Variants in GPC6 observed in about 807,000 individuals in gnomAD.
GPC6 encodes the protein glypican-6.
A neutral mutation model predicts 55.2 loss-of-function variants in GPC6; 14 were observed. The ratio of observed to expected loss-of-function variants is 0.25; its 90% CI spans 0.17 to 0.40. The LOEUF (loss-of-function observed/expected upper bound fraction) is 0.40, where lower values mean the gene tolerates loss of function less well. Ranked by LOEUF, GPC6 falls within the 10% of genes least tolerant of loss-of-function variation. GPC6 has a pLI of 1.00. For missense variants in GPC6, 641 were observed against 708.5 expected (o/e 0.90, Z 1.08); for synonymous variants, 278 against 259.6 (o/e 1.07, Z -0.68).
chr13:94,026,515 C>T (rs547582371), intron 3 of GPC6, among the ~76,000 whole-genome samples: 107 of 151,848 alleles, frequency 7.0e-4, no homozygotes, highest in Non-Finnish European at 1.3e-3. Context: ...AGTTACTTGA[C>T]TAAAATATCA....
intron 2 of GPC6, among the ~76,000 whole-genome samples, chr13:93,764,583 AACACACACACAC>A (rs10595180): frequency 1.3e-4 from 20 of 148,560 alleles, no homozygotes; most frequent in East Asian, 4.0e-4. Flanking sequence ...TAAAGATGTA[AACACACACACAC>A]ACACACACAC....
At chr13:93,601,958 T>C (rs1276243843) in intron 2 of GPC6, among the ~76,000 whole-genome samples, 1 of 152,224 alleles carries the variant, frequency 6.6e-6, no homozygotes, top group East Asian at 1.9e-4. Flanking sequence ...AGGAAATTTT[T>C]AATATAGACT....
intron 4 of GPC6, among the ~76,000 whole-genome samples, chr13:94,226,962 CT>C (rs1303385919): frequency 2.6e-5 from 4 of 152,092 alleles, no homozygotes; most frequent in African/African-American, 9.7e-5. Context: ...TCCAGCCTGG[CT>C]TTACAAGCCA....
intron 1 of GPC6, among the ~76,000 whole-genome samples, chr13:93,257,953 C>T (rs959273399): frequency 3.3e-5 from 5 of 152,070 alleles, no homozygotes; most frequent in African/African-American, 7.2e-5. Flanking sequence ...AAAATTATTC[C>T]GGTATTGAGA....
chr13:94,283,058 A>G (rs1566631355), intron 4 of GPC6, among the ~76,000 whole-genome samples: 3 of 152,226 alleles, frequency 2.0e-5, no homozygotes, highest in Non-Finnish European at 4.4e-5. Context: ...ATTTAACATA[A>G]AAAAGATCAC....
In GPC6 at chr13:93,415,600, G is replaced by A. The variant is rs147095885; in HGVS notation, c.161-129663G>A. ...TATTTTTCAGGTGTTTGATACAAAT[G>A]CCAGACTGCCTTCGAGAATACCATG... On this transcript the variant is annotated intron_variant, in intron 1 of 8. Coordinates refer to ENST00000377047, the MANE Select transcript of GPC6 (RefSeq NM_005708.5). 4.1e-3 allele frequency among the ~76,000 whole-genome samples: 617 copies of A among 152,234 alleles called. 6 individuals are homozygous for A. The highest frequency in any genetic ancestry group is 0.014 in the African/African-American group (588 of 41,582).
chr13:94,299,467 C>G lies in GPC6; in HGVS notation c.1009-6513C>G, dbSNP rs538080132. On this transcript the variant is annotated intron_variant, in intron 5 of 8. Coordinates refer to ENST00000377047, the MANE Select transcript of GPC6 (RefSeq NM_005708.5). ...AATTTCATATACTGAAATCCTAACA[C>G]CTAAGGTGATGGTATTTGGAGATGG... 1.6e-4 allele frequency among the ~76,000 whole-genome samples: 25 copies of G among 152,294 alleles called. No individual in the cohort carries two copies. In the South Asian group the frequency reaches 4.8e-3, roughly 29 times the overall value.
chr13:93,489,904 C>T (rs1594207326), intron 1 of GPC6, among the ~76,000 whole-genome samples: 1 of 151,546 alleles, frequency 6.6e-6, no homozygotes, highest in East Asian at 2.2e-4. Context: ...ACAATCATGT[C>T]ATCTGCAAAC....
chr13:93,906,328 T>C (rs2140331500), intron 3 of GPC6, among the ~76,000 whole-genome samples: 3 of 152,242 alleles, frequency 2.0e-5, no homozygotes, highest in Admixed American at 2.0e-4. Flanking sequence ...CCAGTCCCAA[T>C]TCCAAACTCT....
intron 4 of GPC6, among the ~76,000 whole-genome samples, chr13:94,256,855 C>T (rs1390943896): frequency 4.6e-5 from 7 of 152,122 alleles, no homozygotes; most frequent in Non-Finnish European, 2.9e-5. Flanking sequence ...AAAGAAAGTT[C>T]TTTTTTAGAC....
At chr13:93,944,010 T>TG (rs950681762) in intron 3 of GPC6, among the ~76,000 whole-genome samples, 3 of 152,130 alleles carry the variant, frequency 2.0e-5, no homozygotes, top group African/African-American at 7.2e-5. Flanking sequence ...ATCCCCTATC[T>TG]GGGGGGTTCT....
In GPC6 at chr13:93,231,410, T is replaced by TATATAC. The variant is rs1555336165; in HGVS notation, c.160+3799_160+3800insCATATA. Among the ~76,000 whole-genome samples, 85 of 38,184 alleles carry TATATAC rather than the reference T, an allele frequency of 2.2e-3. 1 individual carries two copies. The highest frequency in any genetic ancestry group is 5.9e-3 in the Admixed American group (16 of 2,724). The allele number at this position is 38,184 out of a possible 152,430, so 25.1% of individuals were successfully genotyped here. Reference sequence around the variant, plus strand: ...ATATATATATATGTATATATATATATATATATATATATACGTATATATATA... The same window carrying TATATAC: ...ATATATATATATGTATATATATATATATATACATATATATATATACGTATATATATA... On this transcript the variant is annotated intron_variant, in intron 1 of 8. Transcript: ENST00000377047.
chr13:93,376,366 A>G (rs776281895), intron 1 of GPC6, among the ~76,000 whole-genome samples: 1 of 152,226 alleles, frequency 6.6e-6, no homozygotes, highest in Non-Finnish European at 1.5e-5. Flanking sequence ...CTAGATATCG[A>G]AAATTAATTT....
chr13:94,063,091 TC>T (rs1405368221), intron 4 of GPC6, among the ~76,000 whole-genome samples: 1 of 152,210 alleles, frequency 6.6e-6, no homozygotes, highest in Non-Finnish European at 1.5e-5. Flanking sequence ...GTGTAATTGG[TC>T]ACTCCAGAGA....
chr13:94,094,645 T>A (rs532378499), intron 4 of GPC6, among the ~76,000 whole-genome samples: 1 of 152,284 alleles, frequency 6.6e-6, no homozygotes, highest in African/African-American at 2.4e-5. Context: ...TTGTATTTCT[T>A]ATTAGCTCAG....
At chr13:94,237,819 T>C (rs1890925156) in intron 4 of GPC6, among the ~76,000 whole-genome samples, 1 of 152,142 alleles carries the variant, frequency 6.6e-6, no homozygotes, top group South Asian at 2.1e-4. Flanking sequence ...TTTCAGGCAG[T>C]GGTGTGAACA....
chr13:93,571,255 G>A (rs1410839114), intron 2 of GPC6, among the ~76,000 whole-genome samples: 3 of 152,026 alleles, frequency 2.0e-5, no homozygotes. Context: ...ACATGTACAC[G>A]TGTGCACATA....
In GPC6 at chr13:93,746,336, C is replaced by T. The variant is rs1159586197; in HGVS notation, c.320-83818C>T. On this transcript the variant is annotated intron_variant, in intron 2 of 8. Coordinates refer to ENST00000377047, the MANE Select transcript of GPC6 (RefSeq NM_005708.5). The stretch of plus-strand genomic sequence containing the variant: ...AAATATTTAATGTTGATAAACTGAG[C>T]TTATTCTGGAAGCTTATGTCGGAGC... 2.6e-5 allele frequency among the ~76,000 whole-genome samples: 4 copies of T among 152,090 alleles called. No homozygotes were observed. The South Asian group carries it at 8.3e-4, about 32-fold the overall frequency.
Position 94,044,374 on chromosome 13 carries a change from A to G in GPC6, c.877+16480A>G, listed in dbSNP as rs72645910. Among the ~76,000 whole-genome samples the G allele has an allele frequency of 3.5e-3, 536 of 151,934 alleles. 8 individuals are homozygous for G. Among genetic ancestry groups the G allele is most frequent in the Non-Finnish European group, 2.4e-3 (162 of 67,846 alleles). ...ATCAAGTGGGAGTTATTTCTATCCT[A>G]CAGCTCAAGGTCATCGCCAAGGTCT... On this transcript the variant is annotated intron_variant, in intron 4 of 8. Transcript: ENST00000377047.
Sources: allele counts gnomAD v4.1 joint callset (sites outside exome capture counted in the v4.1 genomes callset), GRCh38; gene constraint gnomAD v4.1.1; transcripts MANE v1.5; gene names NCBI Gene and HGNC (gene_info 2026-07-23, HGNC 2026-07-21).